Variants in CACNA2D3 observed in about 807,000 individuals in gnomAD.
CACNA2D3 encodes voltage-dependent calcium channel subunit alpha-2/delta-3.
CACNA2D3 carries 60 observed loss-of-function variants against 160.6 expected under a neutral mutation model. The ratio of observed to expected loss-of-function variants is 0.37; its 90% CI spans 0.30 to 0.46. The LOEUF (loss-of-function observed/expected upper bound fraction) is 0.46. CACNA2D3 is among the 20% of genes least tolerant of loss of function. The pLI is 1.00. For missense variants in CACNA2D3, 1,205 were observed against 1,365.0 expected, an observed-to-expected ratio of 0.88 and a Z score of 1.85; for synonymous variants, 558 against 492.9, an observed-to-expected ratio of 1.13 and a Z score of -1.75.
intron 27 of CACNA2D3, chr3:54,924,882 T>C: frequency 6.2e-7 from 1 of 1,613,776 alleles, no homozygotes. Context: ...AAGTCTGCTT[T>C]CCAGGGAAAG....
intron 2 of CACNA2D3, among the ~76,000 whole-genome samples, chr3:54,161,908 G>A (rs559606420): frequency 1.3e-5 from 2 of 152,278 alleles, no homozygotes; most frequent in South Asian, 4.1e-4. Flanking sequence ...CACCTTCCCA[G>A]CTGTAGGTGC....
At chr3:54,991,753 C>T (rs144132924) in intron 31 of CACNA2D3, among the ~76,000 whole-genome samples, 66 of 152,228 alleles carry the variant, frequency 4.3e-4, no homozygotes, top group African/African-American at 1.3e-3. Context: ...TGGCCATGGA[C>T]GGTGTCGTCA....
chr3:54,742,349 C>T (rs917456805), intron 11 of CACNA2D3, among the ~76,000 whole-genome samples: 7 of 152,044 alleles, frequency 4.6e-5, no homozygotes, highest in African/African-American at 1.2e-4. Flanking sequence ...ACCTGGGAGG[C>T]GGAGGTTGCA....
intron 2 of CACNA2D3, among the ~76,000 whole-genome samples, chr3:54,175,649 G>A (rs1333083044): frequency 6.7e-6 from 1 of 149,528 alleles, no homozygotes; most frequent in Non-Finnish European, 1.5e-5. Flanking sequence ...ATTAATTGGA[G>A]AAAGTGCATA....
chr3:54,799,576 T>C (rs1702938905), intron 13 of CACNA2D3, among the ~76,000 whole-genome samples: 1 of 152,224 alleles, frequency 6.6e-6, no homozygotes, highest in African/African-American at 2.4e-5. Flanking sequence ...AGTGCAGTAA[T>C]GGCTTCATTG....
chr3:54,705,175 A>G (rs764255003), intron 11 of CACNA2D3, among the ~76,000 whole-genome samples: 5 of 152,194 alleles, frequency 3.3e-5, no homozygotes, highest in Non-Finnish European at 7.4e-5. Context: ...GATTTAGCAA[A>G]TATTCACATT....
intron 35 of CACNA2D3, among the ~76,000 whole-genome samples, chr3:55,052,458 A>G (rs544119615): frequency 1.2e-3 from 57 of 48,624 alleles, no homozygotes; most frequent in South Asian, 5.5e-3. Context: ...CTGTGTGTGT[A>G]TATATATATA....
chr3:54,632,184 A>C (rs2106825148), intron 10 of CACNA2D3: 1 of 152,388 alleles, frequency 6.6e-6, no homozygotes, highest in East Asian at 1.9e-4. Flanking sequence ...TACAGATTGC[A>C]GCAGAGAATA....
At chr3:54,844,599 ATTG>A (rs1262023280) in intron 16 of CACNA2D3, among the ~76,000 whole-genome samples, 1 of 152,060 alleles carries the variant, frequency 6.6e-6, no homozygotes, top group African/African-American at 2.4e-5. Flanking sequence ...CCCGCCATAT[ATTG>A]TTAACCGCAC....
At chr3:54,218,349 G>T (rs1166792754) in intron 2 of CACNA2D3, among the ~76,000 whole-genome samples, 1 of 152,156 alleles carries the variant, frequency 6.6e-6, no homozygotes, top group Admixed American at 6.5e-5. Context: ...CTGCCCTGTG[G>T]GATGTGGGAC....
intron 2 of CACNA2D3, among the ~76,000 whole-genome samples, chr3:54,162,025 C>T (rs1425488173): frequency 6.6e-6 from 1 of 152,180 alleles, no homozygotes; most frequent in Non-Finnish European, 1.5e-5. Context: ...GGGCAGTGCT[C>T]TTCCCCAGAA....
intron 11 of CACNA2D3, among the ~76,000 whole-genome samples, chr3:54,704,961 C>A (rs143100140): frequency 1.3e-5 from 2 of 152,120 alleles, no homozygotes; most frequent in Non-Finnish European, 2.9e-5. Context: ...AATGGACTTT[C>A]CTGGGGGGCT....
chr3:54,239,969 A>G (rs1050496163), intron 2 of CACNA2D3, among the ~76,000 whole-genome samples: 6 of 152,386 alleles, frequency 3.9e-5, no homozygotes, highest in Admixed American at 3.9e-4. Flanking sequence ...AGCTGCTGTA[A>G]TAATCACTGC....
chr3:54,720,428 T>C lies in CACNA2D3; in HGVS notation c.1168-32171T>C, dbSNP rs546920508. 4.6e-5 allele frequency among the ~76,000 whole-genome samples: 7 copies of C among 152,224 alleles called. No homozygotes were observed. In the East Asian group the frequency reaches 9.6e-4, roughly 21 times the overall value. On this transcript the variant is annotated intron_variant, in intron 11 of 37. Transcript: ENST00000474759. ...AAATTTTCTAGTTAAAATTTTATGA[T>C]TTTTAGTTTATTCCACTGACATGTT...
At position 54,478,662 on chromosome 3, in the gene CACNA2D3, A is replaced by ATATATATATATATATATATTGC. The variant is rs67073053; in HGVS notation, c.382-24813_382-24812insATTGCTATATATATATATATAT. On this transcript the variant is annotated intron_variant, in intron 4 of 37. Transcript: ENST00000474759. The stretch of plus-strand genomic sequence containing the variant: ...AATATATATATAAATATGTGTGTGT[A>ATATATATATATATATATATTGC]TATATATATATATATATTGCTTGTC... Among the ~76,000 whole-genome samples, 10 of 36,018 alleles carry ATATATATATATATATATATTGC rather than the reference A, an allele frequency of 2.8e-4. 1 individual carries two copies. Among genetic ancestry groups the ATATATATATATATATATATTGC allele is most frequent in the East Asian group, 1.9e-3 (3 of 1,572 alleles). The allele number at this position is 36,018 out of a possible 152,430, so 23.6% of individuals were successfully genotyped here.
At chr3:54,645,472 G>A (rs1490192343) in intron 11 of CACNA2D3, among the ~76,000 whole-genome samples, 1 of 152,304 alleles carries the variant, frequency 6.6e-6, no homozygotes, top group East Asian at 1.9e-4. Flanking sequence ...CAAGGCCGCT[G>A]CTGGCGCTGA....
intron 3 of CACNA2D3, among the ~76,000 whole-genome samples, chr3:54,329,749 A>G (rs1704203352): frequency 6.6e-6 from 1 of 152,036 alleles, no homozygotes; most frequent in Admixed American, 6.5e-5. Flanking sequence ...GAAAGCCATA[A>G]TAATAATAAT....
At chr3:54,681,803 C>T (rs1700356626) in intron 11 of CACNA2D3, among the ~76,000 whole-genome samples, 1 of 152,074 alleles carries the variant, frequency 6.6e-6, no homozygotes. Flanking sequence ...CTCCACTTCC[C>T]AAGGAGCTGA....
At chr3:54,439,207 T>A (rs1700105082) in intron 4 of CACNA2D3, among the ~76,000 whole-genome samples, 1 of 152,188 alleles carries the variant, frequency 6.6e-6, no homozygotes, top group Non-Finnish European at 1.5e-5. Context: ...GCCACGTTTG[T>A]CCAGCTAATC....
Sources: allele counts gnomAD v4.1 joint callset (sites outside exome capture counted in the v4.1 genomes callset), GRCh38; gene constraint gnomAD v4.1.1; transcripts MANE v1.5; gene names NCBI Gene and HGNC (gene_info 2026-07-23, HGNC 2026-07-21).